The following MYO16 variants were observed in gnomAD, a reference collection of about 807,000 sequenced individuals.
MYO16 encodes unconventional myosin-XVI.
A neutral mutation model predicts 205.3 loss-of-function variants in MYO16; 94 were observed. The ratio of observed to expected loss-of-function variants is 0.46; its 90% CI spans 0.39 to 0.54. MYO16 has a LOEUF of 0.54. Ranked by LOEUF, MYO16 falls within the 20% of genes least tolerant of loss-of-function variation. The pLI is 0.00. For synonymous variants in MYO16, 988 were observed against 954.0 expected, an observed-to-expected ratio of 1.04 and a Z score of -0.66; for missense variants, 2,315 against 2,387.5, an observed-to-expected ratio of 0.97 and a Z score of 0.63.
At position 108,740,733 on chromosome 13, in the gene MYO16, G is replaced by A. The variant is rs150034052; in HGVS notation, c.507+13150G>A. On this transcript the variant is annotated intron_variant, in intron 4 of 34. Transcript: ENST00000457511. ...GTTCAGCTATGTCCTGCCCCCAGAG[G>A]TGGAGTCTACAAAGGCAGGCAGGCC... Among the ~76,000 whole-genome samples the A allele has an allele frequency of 5.5e-4, 83 of 152,290 alleles. 1 individual carries two copies. The highest frequency in any genetic ancestry group is 1.9e-3 in the African/African-American group (80 of 41,574).
At chr13:108,907,647 A>G (rs899201935) in intron 15 of MYO16, among the ~76,000 whole-genome samples, 1 of 152,228 alleles carries the variant, frequency 6.6e-6, no homozygotes, top group African/African-American at 2.4e-5. Flanking sequence ...CTCAAGATGT[A>G]TACATATTTT....
At chr13:108,532,212 A>T in the MYO16 span, among the ~76,000 whole-genome samples, 1 of 151,932 alleles carries the variant, frequency 6.6e-6, no homozygotes, top group Admixed American at 6.6e-5. Flanking sequence ...TCTCAAAAAT[A>T]AATAAATAAA....
Position 109,125,238 on chromosome 13 carries a change from T to G in MYO16, c.3662T>G (p.Leu1221Arg). ...EDMGLKTYDA[L>R]VIQNASDIAR... The stretch of plus-strand genomic sequence containing the variant: ...ATGGGGCTGAAAACCTACGATGCCC[T>G]GGTCATTCAGAATGCTTCAGACATT... The change falls in exon 30 of 35, where the codon CTG (leucine) becomes CGG (arginine). Residue 1221 changes from leucine to arginine, a missense_variant. Physicochemically the swap from Leu to Arg is moderately radical, Grantham distance 102. Around this residue, in one of 3 missense-constraint regions of MYO16, gnomAD observed 1,097 missense variants for 1,092.0 expected, o/e 1.00. Coordinates refer to ENST00000457511, the MANE Select transcript of MYO16 (RefSeq NM_001198950.3). This position sits in a 1 kb window ranked among gnomAD's most constrained non-coding sequence, Gnocchi z 4.0. 2 of 1,614,182 alleles carry G rather than the reference T, an allele frequency of 1.2e-6. No individual in the cohort carries two copies. Among genetic ancestry groups the G allele is most frequent in the Non-Finnish European group, 8.5e-7 (1 of 1,180,036 alleles).
At chr13:108,913,036 CT>C (rs1310957752) in intron 16 of MYO16, among the ~76,000 whole-genome samples, 2 of 152,108 alleles carry the variant, frequency 1.3e-5, no homozygotes, top group Admixed American at 1.3e-4. Flanking sequence ...ATTCATTTCT[CT>C]TTGCAAAAAA....
chr13:108,504,622 G>A, the MYO16 span, among the ~76,000 whole-genome samples: 2 of 151,636 alleles, frequency 1.3e-5, no homozygotes, highest in Admixed American at 6.6e-5. Flanking sequence ...TGCAACCTCT[G>A]CCTCCTGGGT....
the MYO16 span, among the ~76,000 whole-genome samples, chr13:108,497,899 G>A: frequency 6.6e-6 from 1 of 152,128 alleles, no homozygotes; most frequent in East Asian, 1.9e-4. Flanking sequence ...GTTCTTGAAG[G>A]AGACTGAATA....
chr13:109,112,496 C>T (rs1317989979), intron 28 of MYO16, among the ~76,000 whole-genome samples: 1 of 152,062 alleles, frequency 6.6e-6, no homozygotes, highest in Non-Finnish European at 1.5e-5. Context: ...TGGCTCATGC[C>T]TATAATCCTA....
At chr13:108,539,582 A>G in the MYO16 span, among the ~76,000 whole-genome samples, 17 of 152,272 alleles carry the variant, frequency 1.1e-4, no homozygotes, top group Admixed American at 7.9e-4. Flanking sequence ...GCTAAGAAGT[A>G]ATATTACAGT....
chr13:108,568,540 C>T, the MYO16 span, among the ~76,000 whole-genome samples: 1 of 151,930 alleles, frequency 6.6e-6, no homozygotes, highest in Non-Finnish European at 1.5e-5. Flanking sequence ...CTTGGGTTGT[C>T]TGATTGTTGA....
the MYO16 span, among the ~76,000 whole-genome samples, chr13:108,582,139 T>A: frequency 1.3e-5 from 2 of 152,182 alleles, no homozygotes; most frequent in Non-Finnish European, 2.9e-5. Flanking sequence ...TTATGTAAAT[T>A]AGTTCAGATT....
intron 16 of MYO16, among the ~76,000 whole-genome samples, chr13:108,937,484 T>G (rs970758215): frequency 3.3e-5 from 5 of 152,216 alleles, no homozygotes; most frequent in African/African-American, 4.8e-5. Context: ...CTTTATATTC[T>G]TTTCTTTCAG....
chr13:108,913,108 G>A (rs1881339893), intron 16 of MYO16, among the ~76,000 whole-genome samples: 1 of 152,146 alleles, frequency 6.6e-6, no homozygotes, highest in Non-Finnish European at 1.5e-5. Flanking sequence ...TTTATGAGGA[G>A]TTCCAACAGG....
chr13:108,543,655 A>T, the MYO16 span, among the ~76,000 whole-genome samples: 2 of 150,526 alleles, frequency 1.3e-5, no homozygotes, highest in African/African-American at 4.9e-5. Context: ...AAAAAAAAAA[A>T]AAAAAAAAGA....
chr13:108,820,113 A>G (rs1189861274), intron 7 of MYO16, among the ~76,000 whole-genome samples: 1 of 152,208 alleles, frequency 6.6e-6, no homozygotes. Flanking sequence ...TTAAATCCTT[A>G]TTGGATAAAT....
At position 108,888,459 on chromosome 13, in the gene MYO16, G is replaced by T. The variant is rs1880006424; in HGVS notation, c.1641G>T (p.Leu547=). The change falls in exon 14 of 35, where the codon CTG becomes CTT. Residue 547 remains leucine, a synonymous_variant. Coordinates refer to ENST00000457511, the MANE Select transcript of MYO16 (RefSeq NM_001198950.3). ...GGGCTGGCGCCAGCAGGGCCACACT[G>T]GATTCCAGATTCAAACATGTAAGTT... ...TCRAGASRAT[L]DSRFKHVVCI... is the part of the protein sequence containing the mutation. The T allele has an allele frequency of 6.3e-7, 1 of 1,598,780 alleles. No individual in the cohort carries two copies. The highest frequency in any genetic ancestry group is 1.8e-5 in the Admixed American group (1 of 55,992).
chr13:108,990,478 TA>T (rs1468263346), intron 20 of MYO16, among the ~76,000 whole-genome samples: 1 of 152,128 alleles, frequency 6.6e-6, no homozygotes, highest in Non-Finnish European at 1.5e-5. Context: ...TTCAATAGTT[TA>T]AAACACTTAT....
chr13:108,669,913 G>A (rs533902413), intron 2 of MYO16, among the ~76,000 whole-genome samples: 2 of 152,138 alleles, frequency 1.3e-5, no homozygotes, highest in African/African-American at 4.8e-5. Flanking sequence ...TCACACACTG[G>A]GGCCTGTCGG....
At chr13:108,574,402 G>C in the MYO16 span, among the ~76,000 whole-genome samples, 1 of 152,088 alleles carries the variant, frequency 6.6e-6, no homozygotes, top group East Asian at 1.9e-4. Context: ...GTGGTATCAA[G>C]AGTCTATTGG....
chr13:108,731,226 G>C (rs1236553703), intron 4 of MYO16, among the ~76,000 whole-genome samples: 1 of 152,222 alleles, frequency 6.6e-6, no homozygotes, highest in Non-Finnish European at 1.5e-5. Flanking sequence ...ATGCATTGCT[G>C]TTTGTTAAAA....
Sources: allele counts gnomAD v4.1 joint callset (sites outside exome capture counted in the v4.1 genomes callset), GRCh38; gene constraint gnomAD v4.1.1; regional missense constraint gnomAD v4.1.1; non-coding constraint Gnocchi (gnomAD v3.1); transcripts MANE v1.5; gene names NCBI Gene and HGNC (gene_info 2026-07-23, HGNC 2026-07-21).